Variants in PPA2 observed in about 807,000 individuals in gnomAD.
The protein encoded by PPA2 is inorganic pyrophosphatase 2.
PPA2 carries 48 observed loss-of-function variants against 49.5 expected under a neutral mutation model. That is an observed-to-expected ratio of 0.97 (90% confidence interval 0.77 to 1.23). The LOEUF is 1.23. Ranked by LOEUF, PPA2 falls within the 50% of genes most tolerant of loss-of-function variation. The pLI is 0.00. For synonymous variants in PPA2, 131 were observed against 139.9 expected (o/e 0.94, Z 0.45); for missense variants, 429 against 410.1 (o/e 1.05, Z -0.40).
intron 9 of PPA2, among the ~76,000 whole-genome samples, chr4:105,387,142 G>A (rs369454035): frequency 5.3e-5 from 8 of 152,198 alleles, no homozygotes; most frequent in African/African-American, 1.9e-4. Context: ...CCAGGCATAG[G>A]AATAGCAGCT....
chr4:105,449,246 A>G (rs1722560350), intron 4 of PPA2, 104 bp downstream of exon 4: 2 of 301,026 alleles, frequency 6.6e-6, no homozygotes, highest in African/African-American at 4.9e-5. Flanking sequence ...AAAAAAAAAA[A>G]AAAAAAAAAA....
At chr4:105,468,830 T>A (rs1419603385) in intron 1 of PPA2, among the ~76,000 whole-genome samples, 3 of 152,220 alleles carry the variant, frequency 2.0e-5, no homozygotes, top group Middle Eastern at 3.2e-3. Flanking sequence ...ATTTGTGTAC[T>A]ATTTGTAGTA....
intron 1 of PPA2, among the ~76,000 whole-genome samples, chr4:105,472,892 A>G (rs1050486667): frequency 1.1e-4 from 16 of 152,242 alleles, no homozygotes; most frequent in Admixed American, 1.0e-3. Flanking sequence ...ATATAATGTC[A>G]TGTAATACTT....
At chr4:105,407,783 T>C (rs1412793448) in intron 7 of PPA2, among the ~76,000 whole-genome samples, 1 of 152,178 alleles carries the variant, frequency 6.6e-6, no homozygotes. Context: ...TAGGTAATTC[T>C]AGAAAAGGCA....
intron 7 of PPA2, among the ~76,000 whole-genome samples, chr4:105,401,733 TCA>T (rs750858860): frequency 3.3e-5 from 5 of 152,328 alleles, no homozygotes; most frequent in Admixed American, 1.3e-4. Context: ...TAAATCTATT[TCA>T]GTTTCTAATT....
chr4:105,377,341 T>C (rs1733297969), intron 10 of PPA2, among the ~76,000 whole-genome samples: 2 of 152,178 alleles, frequency 1.3e-5, no homozygotes, highest in South Asian at 4.1e-4. Context: ...GAATACCTTA[T>C]CTGCTGGACA....
At chr4:105,405,348 TAA>T (rs1455198757) in intron 7 of PPA2, 66 of 759,930 alleles carry the variant, frequency 8.7e-5, no homozygotes, top group Non-Finnish European at 9.3e-5. Flanking sequence ...TCACTTATAG[TAA>T]AGACCCTAAA....
chr4:105,388,825 CAAAAAAAAAAGA>C (rs1382978598), intron 9 of PPA2, among the ~76,000 whole-genome samples: 1 of 56,856 alleles, frequency 1.8e-5, no homozygotes, highest in Non-Finnish European at 3.9e-5. Flanking sequence ...GCAACGTCTC[CAAAAAAAAAAGA>C]AAAAAAAAAA....
chr4:105,456,558 G>A (rs1475646981), intron 2 of PPA2, 123 bp downstream of exon 2: 4 of 720,084 alleles, frequency 5.6e-6, no homozygotes, highest in Non-Finnish European at 9.4e-6. Flanking sequence ...CCCTGTTATA[G>A]TAACTCCTGT....
chr4:105,407,715 A>G (rs111736114), intron 7 of PPA2, among the ~76,000 whole-genome samples: 1 of 152,330 alleles, frequency 6.6e-6, no homozygotes, highest in African/African-American at 2.4e-5. Flanking sequence ...ACATTAGGCA[A>G]GAGAAAAAAG....
intron 7 of PPA2, among the ~76,000 whole-genome samples, chr4:105,404,314 C>A (rs1157886050): frequency 6.6e-6 from 1 of 151,668 alleles, no homozygotes; most frequent in Non-Finnish European, 1.5e-5. Context: ...GAAAAAGAAC[C>A]ACCCCCAATC....
chr4:105,424,198 T>C lies in PPA2; in HGVS notation c.653A>G (p.His218Arg), dbSNP rs746773886. The change falls in exon 7 of 12, where the codon CAT becomes CGT. Residue 218 changes from histidine to arginine, a missense_variant and splice_region_variant. Physicochemically the swap from His to Arg is conservative, Grantham distance 29. Coordinates refer to ENST00000341695, the MANE Select transcript of PPA2 (RefSeq NM_176869.3). ...TTTCTGGAAAGTAACAGTCTTACCA[T>C]GAAACTTTGAGGCTTCAGGATCATT... Reference protein sequence around the residue: ...NANDPEASKFHDIDDVKKFKP... With the variant: ...NANDPEASKFRDIDDVKKFKP... The C allele has an allele frequency of 3.7e-6, 6 of 1,601,120 alleles. No individual in the cohort carries two copies. The highest frequency in any genetic ancestry group is 2.3e-5 in the East Asian group (1 of 44,418).
chr4:105,370,022 T>G (rs1179987297), intron 11 of PPA2, among the ~76,000 whole-genome samples: 1 of 152,244 alleles, frequency 6.6e-6, no homozygotes, highest in Non-Finnish European at 1.5e-5. Context: ...TGGGTCATTT[T>G]AGTCTCTAGC....
chr4:105,427,652 A>C (rs1723585003), intron 6 of PPA2, among the ~76,000 whole-genome samples: 1 of 152,186 alleles, frequency 6.6e-6, no homozygotes, highest in South Asian at 2.1e-4. Context: ...ATTAGAGAAA[A>C]AGAGTGAAAA....
intron 6 of PPA2, among the ~76,000 whole-genome samples, chr4:105,437,729 T>C (rs1724131237): frequency 1.3e-5 from 2 of 152,216 alleles, no homozygotes; most frequent in South Asian, 2.1e-4. Context: ...ACCTGCGTTA[T>C]TTATAAAAAC....
chr4:105,388,565 C>A (rs995603321), intron 9 of PPA2, among the ~76,000 whole-genome samples: 1 of 152,088 alleles, frequency 6.6e-6, no homozygotes, highest in Non-Finnish European at 1.5e-5. Flanking sequence ...TGGCTCACGC[C>A]AGTAATCCCA....
intron 7 of PPA2, among the ~76,000 whole-genome samples, chr4:105,422,463 G>C (rs1217799074): frequency 6.6e-6 from 1 of 151,774 alleles, no homozygotes; most frequent in Non-Finnish European, 1.5e-5. Context: ...AAAATGAATA[G>C]AGTTAAAACT....
At chr4:105,447,938 G>C (rs1401836748) in intron 4 of PPA2, 2 of 210,124 alleles carry the variant, frequency 9.5e-6, no homozygotes, top group Non-Finnish European at 2.0e-5. Flanking sequence ...TAGAGATGGG[G>C]TTTTGCCATG....
chr4:105,469,840 C>T (rs1178697539), intron 1 of PPA2, among the ~76,000 whole-genome samples: 1 of 152,168 alleles, frequency 6.6e-6, no homozygotes, highest in South Asian at 2.1e-4. Flanking sequence ...ATATTTAAGA[C>T]TCAAACAAAT....
Sources: gnomAD v4.1 joint callset for allele counts (sites outside exome capture counted in the v4.1 genomes callset) on GRCh38, gnomAD v4.1.1 for gene constraint, MANE v1.5 for transcripts, NCBI Gene and HGNC (gene_info 2026-07-23, HGNC 2026-07-21) for gene names.